THSD7B: variants seen among roughly 807,000 people sequenced by gnomAD.
THSD7B encodes thrombospondin type 1 domain containing 7B, also known as thrombospondin type-1 domain-containing protein 7B.
A neutral mutation model predicts 213.6 loss-of-function variants in THSD7B; 138 were observed. That is an observed-to-expected ratio of 0.65 (90% CI 0.56 to 0.74). The LOEUF (loss-of-function observed/expected upper bound fraction) is 0.74. Among genes scored for constraint, THSD7B ranks in the 30% least tolerant of loss-of-function variants. THSD7B has a pLI of 0.00. For synonymous variants in THSD7B, 742 were observed against 687.0 expected (o/e 1.08, Z -1.25); for missense variants, 1,931 against 1,991.5 (o/e 0.97, Z 0.58).
chr2:137,184,418 G>A (rs1258528847), intron 7 of THSD7B, among the ~76,000 whole-genome samples: 1 of 152,072 alleles, frequency 6.6e-6, no homozygotes. Context: ...TTACAGCAGA[G>A]GAGATTGAAA....
chr2:137,536,796 G>A (rs1017092817), intron 15 of THSD7B, among the ~76,000 whole-genome samples: 6 of 151,724 alleles, frequency 4.0e-5, no homozygotes, highest in Middle Eastern at 3.4e-3. Flanking sequence ...TGTACCCTGA[G>A]GAATGACAAA....
intron 13 of THSD7B, among the ~76,000 whole-genome samples, chr2:137,406,673 T>G (rs1178891792): frequency 6.6e-6 from 1 of 152,216 alleles, no homozygotes; most frequent in African/African-American, 2.4e-5. Context: ...CATTTTGAAT[T>G]TAAATCACCA....
intron 15 of THSD7B, among the ~76,000 whole-genome samples, chr2:137,455,424 G>A (rs780767502): frequency 6.6e-6 from 1 of 152,088 alleles, no homozygotes; most frequent in Non-Finnish European, 1.5e-5. Flanking sequence ...ATTCCCCATT[G>A]CAATCTAACA....
At chr2:136,785,329 C>G (rs1358034862) in intron 1 of THSD7B, among the ~76,000 whole-genome samples, 1 of 152,106 alleles carries the variant, frequency 6.6e-6, no homozygotes, top group Admixed American at 6.5e-5. Flanking sequence ...TGGCTGTTCC[C>G]CTTGCCCCCT....
chr2:137,221,033 G>A (rs1326796120), intron 7 of THSD7B, among the ~76,000 whole-genome samples: 3 of 152,128 alleles, frequency 2.0e-5, no homozygotes, highest in Admixed American at 1.3e-4. Flanking sequence ...GTTAGAACTG[G>A]CTCACGCCTG....
At chr2:137,071,179 A>G (rs1687480038) in intron 3 of THSD7B, among the ~76,000 whole-genome samples, 1 of 152,184 alleles carries the variant, frequency 6.6e-6, no homozygotes, top group Non-Finnish European at 1.5e-5. Context: ...AGTCCCAGCA[A>G]CAGTGTAAAA....
At chr2:137,418,116 T>G (rs1686839244) in intron 14 of THSD7B, among the ~76,000 whole-genome samples, 1 of 152,246 alleles carries the variant, frequency 6.6e-6, no homozygotes, top group Non-Finnish European at 1.5e-5. Flanking sequence ...AACATGACCA[T>G]AGATATAAAC....
intron 2 of THSD7B, among the ~76,000 whole-genome samples, chr2:136,984,493 T>G (rs1685637860): frequency 2.0e-5 from 3 of 152,236 alleles, no homozygotes; most frequent in Admixed American, 2.0e-4. Context: ...CTTTGCCCTT[T>G]GCTTCCACCA....
chr2:136,994,394 G>A (rs1443075510), intron 2 of THSD7B, among the ~76,000 whole-genome samples: 1 of 151,902 alleles, frequency 6.6e-6, no homozygotes, highest in Non-Finnish European at 1.5e-5. Context: ...GTGAAACCCC[G>A]TCTCTACTAA....
intron 10 of THSD7B, among the ~76,000 whole-genome samples, chr2:137,246,110 G>A (rs1242466279): frequency 6.6e-6 from 1 of 152,162 alleles, no homozygotes; most frequent in Non-Finnish European, 1.5e-5. Context: ...GGTGGGAGGT[G>A]AAGGGGAGTG....
rs1491402224 is a variant in THSD7B, at chr2:137,546,478, A to AGTCAGC, written c.3139-16743_3139-16742insGTCAGC. Among the ~76,000 whole-genome samples the AGTCAGC allele has an allele frequency of 3.6e-5, 2 of 55,640 alleles. 1 individual carries two copies. Among genetic ancestry groups the AGTCAGC allele is most frequent in the African/African-American group, 1.8e-4 (2 of 11,204 alleles). 36.5% of individuals were successfully genotyped at this position (55,640 alleles called of 152,430 possible). A position where few individuals can be genotyped will look rare whatever the true frequency, so the allele number is the denominator to read the frequency against. ...TATTATATATAATATATATATATAT[A>AGTCAGC]ATATATATATATATATATTAACATA... On this transcript the variant is annotated intron_variant, in intron 15 of 27. Transcript: ENST00000409968.
At chr2:137,203,622 G>A (rs901819539) in intron 7 of THSD7B, among the ~76,000 whole-genome samples, 1 of 151,964 alleles carries the variant, frequency 6.6e-6, no homozygotes, top group African/African-American at 2.4e-5. Flanking sequence ...TAATTTATTA[G>A]TAGCTATAAG....
intron 13 of THSD7B, among the ~76,000 whole-genome samples, chr2:137,410,689 C>T (rs924009224): frequency 2.0e-5 from 3 of 152,136 alleles, no homozygotes; most frequent in Non-Finnish European, 4.4e-5. Flanking sequence ...GTAGCCCATG[C>T]ATCAGCTTGT....
At chr2:136,781,832 G>A (rs997782908) in intron 1 of THSD7B, among the ~76,000 whole-genome samples, 16 of 152,056 alleles carry the variant, frequency 1.1e-4, no homozygotes, top group Admixed American at 1.0e-3. Flanking sequence ...GCTACCCTTT[G>A]CTACTCTGCT....
intron 3 of THSD7B, among the ~76,000 whole-genome samples, chr2:137,072,966 G>C (rs1687529566): frequency 6.6e-6 from 1 of 152,140 alleles, no homozygotes; most frequent in South Asian, 2.1e-4. Flanking sequence ...ACTTGATCAT[G>C]GTAGATGAAC....
At chr2:137,196,231 C>A (rs1448988461) in intron 7 of THSD7B, among the ~76,000 whole-genome samples, 3 of 152,168 alleles carry the variant, frequency 2.0e-5, no homozygotes, top group African/African-American at 7.2e-5. Flanking sequence ...TTAAAAAGCC[C>A]TCCGGCAGAA....
intron 10 of THSD7B, among the ~76,000 whole-genome samples, chr2:137,251,903 G>A (rs1041794606): frequency 2.0e-5 from 3 of 152,168 alleles, no homozygotes; most frequent in South Asian, 4.1e-4. Context: ...TGTGTGACAA[G>A]CACCTACTGT....
At chr2:137,415,032 G>A (rs1686761791) in intron 14 of THSD7B, among the ~76,000 whole-genome samples, 1 of 133,814 alleles carries the variant, frequency 7.5e-6, no homozygotes, top group African/African-American at 2.7e-5. Context: ...CTCTAGCCTA[G>A]GTGACAGAGC....
Position 137,057,066 on chromosome 2 carries a change from C to A in THSD7B, c.786C>A (p.Ser262Arg), listed in dbSNP as rs576768669. Residue 262 changes from serine (S) to arginine (R), a missense_variant, in exon 3 of 28, where the codon AGC becomes AGA. Coordinates refer to ENST00000409968, the MANE Select transcript of THSD7B (RefSeq NM_001316349.2). Reference sequence around the variant, plus strand: ...CTCATCTTAAAGAAATTAATCCAAGCGGAAGAACTGTTCTGGATTTTAACT... The same window carrying A: ...CTCATCTTAAAGAAATTAATCCAAGAGGAAGAACTGTTCTGGATTTTAACT... ...RLPHLKEINP[S>R]GRTVLDFNSD... The A allele has an allele frequency of 4.3e-6, 7 of 1,613,838 alleles. No homozygotes were observed. Among genetic ancestry groups the A allele is most frequent in the South Asian group, 1.1e-5 (1 of 91,062 alleles).
Sources: allele counts gnomAD v4.1 joint callset (sites outside exome capture counted in the v4.1 genomes callset), GRCh38; gene constraint gnomAD v4.1.1; transcripts MANE v1.5; gene names NCBI Gene and HGNC (gene_info 2026-07-23, HGNC 2026-07-21).